The following AIFM3 variants were observed in gnomAD, a reference collection of about 807,000 sequenced individuals.
The protein encoded by AIFM3 is AIF family member 3, also known as apoptosis-inducing factor 3.
Under a neutral mutation model 82.7 loss-of-function variants are expected in AIFM3, and 71 were observed. The ratio of observed to expected loss-of-function variants is 0.86; its 90% CI spans 0.71 to 1.05. The LOEUF (loss-of-function observed/expected upper bound fraction) is 1.05, where lower values mean the gene tolerates loss of function less well. Ranked by LOEUF, AIFM3 falls within the 50% of genes least tolerant of loss-of-function variation. The pLI is 0.00. For synonymous variants in AIFM3, 337 were observed against 329.1 expected (o/e 1.02, Z -0.26); for missense variants, 748 against 816.7 (o/e 0.92, Z 1.03).
At chr22:20,972,294 C>T (rs972080372) in intron 2 of AIFM3, among the ~76,000 whole-genome samples, 2 of 151,154 alleles carry the variant, frequency 1.3e-5, no homozygotes, top group African/African-American at 4.9e-5. Flanking sequence ...CCCAGCTGCT[C>T]AAGAGGTTGA....
At position 20,967,934 on chromosome 22, in the gene AIFM3, G is replaced by C; in HGVS notation, c.-11G>C. The C allele has an allele frequency of 6.2e-7, 1 of 1,614,110 alleles. No homozygotes were observed. The highest frequency in any genetic ancestry group is 8.5e-7 in the Non-Finnish European group (1 of 1,179,992). On this transcript the variant is annotated 5_prime_UTR_variant, in exon 2 of 21. Transcript: ENST00000440238. Reference sequence around the variant, plus strand: ...TGCTCCTGCCTGCCGGCCATCCTCAGGCCACTCGCCATGGGCGGCTGCTTC... The same window carrying C: ...TGCTCCTGCCTGCCGGCCATCCTCACGCCACTCGCCATGGGCGGCTGCTTC...
At chr22:20,979,486 T>C in intron 17 of AIFM3, 117 bp downstream of exon 17, 1 of 1,478,274 alleles carries the variant, frequency 6.8e-7, no homozygotes, top group South Asian at 1.2e-5. Flanking sequence ...AAGAGGCCGG[T>C]AAGAACTCGC....
chr22:20,973,574 T>G (rs1601703475), intron 3 of AIFM3, 54 bp downstream of exon 3: 16 of 1,541,176 alleles, frequency 1.0e-5, no homozygotes, highest in Middle Eastern at 2.1e-4. Flanking sequence ...GGTGGGAGGG[T>G]GAGGGGGCCA....
In AIFM3 at chr22:20,977,659, G is replaced by A. The variant is rs530435025; in HGVS notation, c.1283-41G>A. On this transcript the variant is annotated intron_variant, in intron 14 of 20. Coordinates refer to ENST00000440238, the MANE Select transcript of AIFM3 (RefSeq NM_001386814.1). ...GGGTGTGGAGAGTGACTACGCAGAA[G>A]GCAGGGACAGGGGAGTGGACACAGG... 6.8e-5 allele frequency: 110 copies of A among 1,612,822 alleles called. No individual in the cohort carries two copies. The African/African-American group carries it at 1.4e-3, about 20-fold the overall frequency.
Position 20,975,588 on chromosome 22 carries a change from T to A in AIFM3, c.721-104T>A, listed in dbSNP as rs114940964. 4,629 of 1,122,494 alleles carry A rather than the reference T, an allele frequency of 4.1e-3. 143 individuals are homozygous for A. The African/African-American group carries it at 0.061, about 15-fold the overall frequency. The allele number at this position is 1,122,494 out of a possible 1,614,324, so 69.5% of individuals were successfully genotyped here. On this transcript the variant is annotated intron_variant, in intron 8 of 20. Transcript: ENST00000440238. ...CCTGGCCAGATCTGGGTTTGCTGAG[T>A]TCTGTCCTGCAGCCCCTATGTGACT...
At chr22:20,973,589 C>G in intron 3 of AIFM3, 69 bp downstream of exon 3, 1 of 1,410,344 alleles carries the variant, frequency 7.1e-7, no homozygotes, top group Non-Finnish European at 9.7e-7. Flanking sequence ...GGGCCATAGC[C>G]GGGGGTCGGG....
chr22:20,974,426 G>T, intron 6 of AIFM3, 99 bp from the exon 7 acceptor site: 1 of 1,558,304 alleles, frequency 6.4e-7, no homozygotes, highest in South Asian at 1.2e-5. Flanking sequence ...GTGAGGGGTT[G>T]CGGTAGGGAT....
chr22:20,974,141 TC>T lies in AIFM3; in HGVS notation c.437del (p.Pro146LeufsTer11). Reference protein sequence around the residue: ...FNISTGDLEDFPGLDSLHKFQ... With the variant: ...FNISTGDLEDXPGLDSLHKFQ... ...ATCAGCACTGGGGACCTGGAGGACT[TC>T]CCTGGCCTGGACAGTCTACACAAGT... On this transcript the variant is annotated frameshift_variant, in exon 5 of 21. Transcript: ENST00000440238. LOFTEE classifies it high-confidence loss of function. 6.2e-7 allele frequency: 1 copy of T among 1,612,482 alleles called. No individual in the cohort carries two copies. Among genetic ancestry groups the T allele is most frequent in the South Asian group, 1.1e-5 (1 of 90,998 alleles).
In AIFM3 at chr22:20,980,510, G is replaced by T. The variant is rs548782333; in HGVS notation, c.1758-237G>T. 54 of 613,112 alleles carry T rather than the reference G, an allele frequency of 8.8e-5. 1 individual carries two copies. In the South Asian group the frequency reaches 9.7e-4, roughly 11 times the overall value. 38.0% of individuals were successfully genotyped at this position (613,112 alleles called of 1,614,324 possible). A position where few individuals can be genotyped will look rare whatever the true frequency, so the allele number is the denominator to read the frequency against. On this transcript the variant is annotated intron_variant, in intron 19 of 20. Transcript: ENST00000440238. ...GGTATGCCCTCCACATAGATGGTGGGGGTGGTTCTAGGTTTCACTCAACAC... is the reference window on the plus strand; with the variant it reads ...GGTATGCCCTCCACATAGATGGTGGTGGTGGTTCTAGGTTTCACTCAACAC...
Position 20,967,861 on chromosome 22 carries a change from G to A in AIFM3, c.-84G>A, listed in dbSNP as rs777066125. The A allele has an allele frequency of 2.0e-6, 3 of 1,499,718 alleles. No homozygotes were observed. The highest frequency in any genetic ancestry group is 2.8e-6 in the Non-Finnish European group (3 of 1,078,086). The allele number at this position is 1,499,718 out of a possible 1,614,324, so 92.9% of individuals were successfully genotyped here. A position where few individuals can be genotyped will look rare whatever the true frequency, so the allele number is the denominator to read the frequency against. On this transcript the variant is annotated 5_prime_UTR_variant, in exon 2 of 21. Transcript: ENST00000440238. ...CCAGCGTCTCTAAGGCCTGCAGGGG[G>A]TCCAGCCCCATGGGGGGCGCCCTAG...
chr22:20,976,615 G>A, intron 11 of AIFM3, 36 bp from the exon 12 acceptor site: 2 of 1,612,596 alleles, frequency 1.2e-6, no homozygotes, highest in Non-Finnish European at 1.7e-6. Flanking sequence ...CGAGGAAGGT[G>A]CAGGTGCCAG....
At chr22:20,968,197 G>T (rs1299780722) in intron 2 of AIFM3, among the ~76,000 whole-genome samples, 1 of 152,150 alleles carries the variant, frequency 6.6e-6, no homozygotes, top group African/African-American at 2.4e-5. Context: ...TTTTCTTTGG[G>T]GCTTTGAGTG....
Position 20,974,783 on chromosome 22 carries a change from G to T in AIFM3, c.687G>T (p.Arg229=), listed in dbSNP as rs766798038. Residue 229 remains arginine (R), a synonymous_variant, in exon 8 of 21, where the codon CGG becomes CGT. Coordinates refer to ENST00000440238, the MANE Select transcript of AIFM3 (RefSeq NM_001386814.1). ...GGATCGTCCTGTGCACGCTAGACCG[G>T]CACCTTCCCTACGACCGTCCCAAGC... ...SDRIVLCTLD[R]HLPYDRPKLS... The T allele has an allele frequency of 6.8e-6, 11 of 1,613,060 alleles. No individual in the cohort carries two copies. Among genetic ancestry groups the T allele is most frequent in the Non-Finnish European group, 8.5e-6 (10 of 1,179,918 alleles).
chr22:20,979,497 T>C, intron 17 of AIFM3, 128 bp downstream of exon 17: 1 of 1,482,070 alleles, frequency 6.7e-7, no homozygotes, highest in Non-Finnish European at 9.3e-7. Flanking sequence ...AAGAACTCGC[T>C]GGCGGCAAGG....
intron 2 of AIFM3, among the ~76,000 whole-genome samples, chr22:20,972,314 A>T (rs1374509052): frequency 6.6e-6 from 1 of 151,984 alleles, no homozygotes; most frequent in Non-Finnish European, 1.5e-5. Flanking sequence ...AGGCAGGAGA[A>T]TCGCTTGAAC....
At chr22:20,972,778 C>T (rs1250738272) in intron 2 of AIFM3, among the ~76,000 whole-genome samples, 1 of 152,172 alleles carries the variant, frequency 6.6e-6, no homozygotes, top group South Asian at 2.1e-4. Flanking sequence ...GGTGTGGTAG[C>T]TCAAGCCTGT....
intron 19 of AIFM3, 61 bp downstream of exon 19, chr22:20,980,185 G>T (rs1215321487): frequency 2.7e-5 from 41 of 1,491,236 alleles, no homozygotes; most frequent in Non-Finnish European, 3.5e-5. Flanking sequence ...TGGCTAAGGT[G>T]CCTATGACAG....
At chr22:20,972,356 C>A (rs564530920) in intron 2 of AIFM3, among the ~76,000 whole-genome samples, 1 of 148,928 alleles carries the variant, frequency 6.7e-6, no homozygotes, top group East Asian at 2.0e-4. Context: ...GAGCCAAGAT[C>A]GCACCATTGC....
intron 6 of AIFM3, 36 bp from the exon 7 acceptor site, chr22:20,974,489 G>A: frequency 6.3e-7 from 1 of 1,594,376 alleles, no homozygotes; most frequent in South Asian, 1.1e-5. Flanking sequence ...GCATGCAGAG[G>A]ATGGCAGTGA....
Sources: allele counts gnomAD v4.1 joint callset (sites outside exome capture counted in the v4.1 genomes callset), GRCh38; gene constraint gnomAD v4.1.1; transcripts MANE v1.5; gene names NCBI Gene and HGNC (gene_info 2026-07-23, HGNC 2026-07-21).